The following CLCN4 variants were observed in gnomAD, a reference collection of about 807,000 sequenced individuals.
CLCN4 encodes H(+)/Cl(-) exchange transporter 4.
Under a neutral mutation model 41.7 loss-of-function variants are expected in CLCN4, and 1 was observed. The observed-to-expected ratio is 0.02, with a 90% confidence interval of 0.01 to 0.11. The LOEUF is 0.11. Among genes scored for constraint, CLCN4 ranks in the 10% least tolerant of loss-of-function variants. The pLI, the probability that CLCN4 is intolerant of heterozygous loss-of-function variation, is 1.00. For missense variants in CLCN4, 287 were observed against 661.0 expected, an observed-to-expected ratio of 0.43 and a Z score of 6.20; for synonymous variants, 277 against 285.8, an observed-to-expected ratio of 0.97 and a Z score of 0.31.
At chrX:10,211,919 G>A (rs1242128867) in intron 9 of CLCN4, among the ~76,000 whole-genome samples, 8 of 111,542 alleles carry the variant, frequency 7.2e-5, no homozygotes, top group Admixed American at 1.9e-4. Flanking sequence ...TGCCTCCCTC[G>A]TCTCTCTCTG....
chrX:10,184,968 G>A, intron 2 of CLCN4, 54 bp from the exon 3 acceptor site: 1 of 1,022,083 alleles, frequency 9.8e-7, no homozygotes, highest in Non-Finnish European at 1.3e-6. Context: ...TATTCTTCTT[G>A]CATGGCCATG....
At chrX:10,229,067 G>A (rs142476949) in intron 12 of CLCN4, among the ~76,000 whole-genome samples, 77 of 111,477 alleles carry the variant, frequency 6.9e-4, no homozygotes, top group Middle Eastern at 4.6e-3. Flanking sequence ...TAGTGCCAAG[G>A]TGGAGAAACC....
chrX:10,191,359 G>A (rs2147170536), intron 4 of CLCN4, among the ~76,000 whole-genome samples: 1 of 112,398 alleles, frequency 8.9e-6, no homozygotes, highest in South Asian at 3.7e-4. Flanking sequence ...TGTAGCACGT[G>A]TCAGTACTTC....
chrX:10,180,248 C>A (rs1923639581), intron 2 of CLCN4, among the ~76,000 whole-genome samples: 1 of 111,797 alleles, frequency 8.9e-6, no homozygotes. Flanking sequence ...ATATCTCTGA[C>A]TTCGGAATGC....
chrX:10,228,202 C>T (rs1028479376), intron 12 of CLCN4, among the ~76,000 whole-genome samples: 3 of 110,152 alleles, frequency 2.7e-5, no homozygotes, highest in Non-Finnish European at 5.7e-5. Flanking sequence ...ATTTTTTGTA[C>T]CCATTAACCA....
At chrX:10,211,283 A>AG (rs1054388930) in intron 9 of CLCN4, among the ~76,000 whole-genome samples, 5 of 108,138 alleles carry the variant, frequency 4.6e-5, no homozygotes, top group East Asian at 5.8e-4. Flanking sequence ...AAAAAAAAAA[A>AG]AAAAAGAAAA....
chrX:10,199,310 A>G (rs1299652276), intron 6 of CLCN4, among the ~76,000 whole-genome samples: 2 of 112,486 alleles, frequency 1.8e-5, no homozygotes, highest in Non-Finnish European at 3.8e-5. Flanking sequence ...ACTGACACAT[A>G]TGACAAAAAG....
chrX:10,219,479 A>G (rs1924806451), intron 11 of CLCN4, among the ~76,000 whole-genome samples: 1 of 112,274 alleles, frequency 8.9e-6, no homozygotes, highest in Non-Finnish European at 1.9e-5. Context: ...TATTTGTGGC[A>G]GAATCATACC....
At chrX:10,180,739 C>A (rs1923654317) in intron 2 of CLCN4, among the ~76,000 whole-genome samples, 1 of 89,862 alleles carries the variant, frequency 1.1e-5, no homozygotes, top group African/African-American at 4.2e-5. Flanking sequence ...TGCACTCCAG[C>A]CTGGGCAACA....
intron 2 of CLCN4, among the ~76,000 whole-genome samples, chrX:10,182,471 G>A (rs971221292): frequency 3.6e-5 from 4 of 112,533 alleles, no homozygotes; most frequent in Non-Finnish European, 7.5e-5. Context: ...TGTCGCGCAT[G>A]CTGGAGTGCG....
intron 2 of CLCN4, among the ~76,000 whole-genome samples, chrX:10,162,007 T>C (rs1247171161): frequency 4.1e-5 from 4 of 96,767 alleles, no homozygotes; most frequent in Middle Eastern, 5.2e-3. Context: ...TCAGGCCCAG[T>C]TGAGTCTTTT....
chrX:10,217,350 A>T (rs1232716374), intron 11 of CLCN4, among the ~76,000 whole-genome samples: 1 of 111,892 alleles, frequency 8.9e-6, no homozygotes, highest in Non-Finnish European at 1.9e-5. Context: ...AGCACTGCTG[A>T]CATTTGGGGC....
In CLCN4 at chrX:10,200,205, T is replaced by G. The variant is rs1268996352; in HGVS notation, c.555+2144T>G. On this transcript the variant is annotated intron_variant, in intron 6 of 12. Transcript: ENST00000380833. ...ACCATGCCCAACTAATTTTTGTATT[T>G]TTTTGTAGGTTTTTGCCATGTTGCC... 3.6e-5 allele frequency among the ~76,000 whole-genome samples: 4 copies of G among 112,009 alleles called. No individual in the cohort carries two copies. In the South Asian group the frequency reaches 1.5e-3, roughly 42 times the overall value.
chrX:10,173,760 G>T (rs1375410295), intron 2 of CLCN4, among the ~76,000 whole-genome samples: 1 of 112,222 alleles, frequency 8.9e-6, no homozygotes, highest in Admixed American at 9.4e-5. Flanking sequence ...CCCAGGGGAT[G>T]CGCATGTGCA....
rs948007734 is a variant in CLCN4, at chrX:10,212,657, C to T, written c.1576+4C>T. The T allele has an allele frequency of 1.3e-5, 15 of 1,196,359 alleles. No individual in the cohort carries two copies. The highest frequency in any genetic ancestry group is 5.3e-5 in the African/African-American group (3 of 56,731). ...GTGGGAGCTGCGGCCTGCCTCGGTACGACCATGGGTGGGGCAGGGAGGGGG... is the reference window on the plus strand; with the variant it reads ...GTGGGAGCTGCGGCCTGCCTCGGTATGACCATGGGTGGGGCAGGGAGGGGG... On this transcript the variant is annotated splice_donor_region_variant and intron_variant, in intron 10 of 12. Transcript: ENST00000380833.
intron 2 of CLCN4, among the ~76,000 whole-genome samples, chrX:10,165,012 C>T (rs1285599314): frequency 8.9e-6 from 1 of 112,377 alleles, no homozygotes; most frequent in African/African-American, 3.2e-5. Context: ...AGGGTCAACC[C>T]CCACACTTGT....
chrX:10,203,554 G>A (rs1227621926), intron 6 of CLCN4, among the ~76,000 whole-genome samples: 8 of 111,861 alleles, frequency 7.2e-5, no homozygotes. Context: ...CTCAGTAGAA[G>A]GACCTGGTGA....
intron 11 of CLCN4, among the ~76,000 whole-genome samples, chrX:10,214,772 T>A (rs2239429): frequency 9.1e-6 from 1 of 110,418 alleles, no homozygotes; most frequent in Non-Finnish European, 1.9e-5. Context: ...GGTCAGGGTG[T>A]CCCAACGACA....
Position 10,236,248 on chromosome X carries a change from A to C in CLCN4, c.*2664A>C, listed in dbSNP as rs954766797. On this transcript the variant is annotated 3_prime_UTR_variant, in exon 13 of 13. Coordinates refer to ENST00000380833, the MANE Select transcript of CLCN4 (RefSeq NM_001830.4). ...GAAATTATGCTTCCGGGCCAAGGTC[A>C]CCGAGGGGGACCTTGGGATTTGTGT... is the stretch of plus-strand genomic sequence containing the variant. The C allele has an allele frequency of 8.9e-5, 10 of 111,865 alleles. No homozygotes were observed. Among genetic ancestry groups the C allele is most frequent in the African/African-American group, 3.2e-4 (10 of 30,827 alleles). 9.2% of individuals were successfully genotyped at this position (111,865 alleles called of 1,213,427 possible).
Sources: gnomAD v4.1 joint callset for allele counts (sites outside exome capture counted in the v4.1 genomes callset) on GRCh38, gnomAD v4.1.1 for gene constraint, MANE v1.5 for transcripts, NCBI Gene and HGNC (gene_info 2026-07-23, HGNC 2026-07-21) for gene names.